RHBDD2: variants seen among roughly 807,000 people sequenced by gnomAD.
The protein encoded by RHBDD2 is rhomboid domain-containing protein 2.
In RHBDD2, 13 loss-of-function variants were observed where a neutral mutation model predicts 21.7. That is an observed-to-expected ratio of 0.60 (90% CI 0.39 to 0.95). RHBDD2 has a LOEUF of 0.95. Ranked by LOEUF, RHBDD2 falls within the 40% of genes least tolerant of loss-of-function variation. The probability of loss-of-function intolerance (pLI) is 0.00; values close to 1 mark genes in which losing one functional copy is unlikely to be tolerated. For synonymous variants in RHBDD2, 225 were observed against 220.0 expected (o/e 1.02, Z -0.20); for missense variants, 473 against 478.9 (o/e 0.99, Z 0.11).
rs191702367 is a variant in RHBDD2 at position 75,883,410 on chromosome 7, T to A, written c.587-288T>A. 2.0e-3 allele frequency: 412 copies of A among 210,230 alleles called. 15 individuals carry two copies. The South Asian group carries it at 0.037, about 19-fold the overall frequency. The allele number at this position is 210,230 out of a possible 1,614,324, so 13.0% of individuals were successfully genotyped here. On this transcript the variant is annotated intron_variant, in intron 2 of 3. Coordinates refer to ENST00000006777, the MANE Select transcript of RHBDD2 (RefSeq NM_001040456.3). ...GACGGGCACCTGTAGTCCCAGCTACTCTGGAGGCTGAGGCAGGAGAATGGT... is the reference window on the plus strand; with the variant it reads ...GACGGGCACCTGTAGTCCCAGCTACACTGGAGGCTGAGGCAGGAGAATGGT...
At chr7:75,882,744 T>G (rs180890793) in intron 2 of RHBDD2, among the ~76,000 whole-genome samples, 166 of 152,306 alleles carry the variant, frequency 1.1e-3, no homozygotes, top group Non-Finnish European at 1.8e-3. Flanking sequence ...TTAAAAAATG[T>G]TGACTTTTGT....
In RHBDD2 at chr7:75,883,829, A is replaced by G. The variant is rs1554543129; in HGVS notation, c.718A>G (p.Arg240Gly). The G allele has an allele frequency of 6.2e-7, 1 of 1,613,560 alleles. No individual in the cohort carries two copies. The highest frequency in any genetic ancestry group is 2.2e-5 in the East Asian group (1 of 44,866). The change falls in exon 3 of 4, where the codon AGG (arginine) becomes GGG (glycine). Residue 240 changes from arginine to glycine, a missense_variant. Arg to Gly is a moderately radical substitution (Grantham distance 125). Transcript: ENST00000006777. ...KYVSGSSAER[R>G]AAQSRKLNPV... ...CGTCTCAGGGTCTTCAGCCGAGAGG[A>G]GGGCAGCCCAGAGCCGGAAGTAAGT...
Position 75,880,521 on chromosome 7 carries a change from A to G in RHBDD2, c.178+1261A>G, listed in dbSNP as rs143940000. Among the ~76,000 whole-genome samples, 381 of 152,184 alleles carry G rather than the reference A, an allele frequency of 2.5e-3. 1 individual carries two copies. The highest frequency in any genetic ancestry group is 8.8e-3 in the African/African-American group (367 of 41,520). On this transcript the variant is annotated intron_variant, in intron 1 of 3. Coordinates refer to ENST00000006777, the MANE Select transcript of RHBDD2 (RefSeq NM_001040456.3). ...AAGGGACCTTTGAAGTCCTCAATCT[A>G]ACTCTTGTTACTTTACAGTGAGGAA...
In RHBDD2 at chr7:75,883,840, G is replaced by A. The variant is rs1805484595; in HGVS notation, c.729G>A (p.Gln243=). 1 of 1,611,476 alleles carries A rather than the reference G, an allele frequency of 6.2e-7. No individual in the cohort carries two copies. The highest frequency in any genetic ancestry group is 1.7e-5 in the Admixed American group (1 of 59,094). ...SGSSAERRAA[Q]SRKLNPVPGS... is the part of the protein sequence containing the mutation. ...CTTCAGCCGAGAGGAGGGCAGCCCA[G>A]AGCCGGAAGTAAGTGACAGAACTCT... The change falls in exon 3 of 4, where the codon CAG becomes CAA. Residue 243 remains glutamine, a synonymous_variant. Coordinates refer to ENST00000006777, the MANE Select transcript of RHBDD2 (RefSeq NM_001040456.3).
rs190612412 is a variant in RHBDD2 at position 75,884,293 on chromosome 7, C to T, written c.737+445C>T. ...CTGGATTGCAGTGGTATGATCATAGCCCGCTACAGCCTCACACTCGTGGAC... is the reference window on the plus strand; with the variant it reads ...CTGGATTGCAGTGGTATGATCATAGTCCGCTACAGCCTCACACTCGTGGAC... On this transcript the variant is annotated intron_variant, in intron 3 of 3. Coordinates refer to ENST00000006777, the MANE Select transcript of RHBDD2 (RefSeq NM_001040456.3). Among the ~76,000 whole-genome samples, 3 of 152,224 alleles carry T rather than the reference C, an allele frequency of 2.0e-5. No homozygotes were observed. The East Asian group carries it at 5.8e-4, about 29-fold the overall frequency.
Position 75,879,100 on chromosome 7 carries a change from C to T in RHBDD2, c.18C>T (p.Pro6=), listed in dbSNP as rs553107085. The T allele has an allele frequency of 8.8e-6, 12 of 1,367,860 alleles. No individual in the cohort carries two copies. The highest frequency in any genetic ancestry group is 3.3e-5 in the South Asian group (2 of 60,458). The allele number at this position is 1,367,860 out of a possible 1,614,324, so 84.7% of individuals were successfully genotyped here. Residue 6 remains proline, a synonymous_variant, in exon 1 of 4, where the codon CCC becomes CCT. Transcript: ENST00000006777. ...CGGCGGCCATGGCGGCCTCGGGGCCCGGGTGTCGCAGCTGGTGCTTGTGTC... is the reference window on the plus strand; with the variant it reads ...CGGCGGCCATGGCGGCCTCGGGGCCTGGGTGTCGCAGCTGGTGCTTGTGTC... MAASG[P]GCRSWCLCPE...
At chr7:75,885,785 G>A (rs1805624017) in intron 3 of RHBDD2, among the ~76,000 whole-genome samples, 2 of 152,088 alleles carry the variant, frequency 1.3e-5, no homozygotes, top group African/African-American at 4.8e-5. Flanking sequence ...CGGGGAAGAA[G>A]CCAAGCCACT....
chr7:75,880,319 T>C (rs1805246331), intron 1 of RHBDD2: 3 of 152,186 alleles, frequency 2.0e-5, no homozygotes. Context: ...GACTGAGGTA[T>C]ATGGTTCCAT....
At chr7:75,883,925 C>G in intron 3 of RHBDD2, 77 bp downstream of exon 3, 2 of 1,236,954 alleles carry the variant, frequency 1.6e-6, no homozygotes, top group Non-Finnish European at 2.2e-6. Flanking sequence ...GACGGAGTCT[C>G]ACTCTGTCAC....
At chr7:75,880,018 C>T (rs139288433) in intron 1 of RHBDD2, among the ~76,000 whole-genome samples, 7 of 152,282 alleles carry the variant, frequency 4.6e-5, no homozygotes, top group African/African-American at 1.7e-4. Context: ...TTTCGTTTAA[C>T]CCTCACAAGG....
At chr7:75,879,361 G>A in intron 1 of RHBDD2, 101 bp downstream of exon 1, 2 of 1,140,666 alleles carry the variant, frequency 1.8e-6, no homozygotes, top group Non-Finnish European at 2.3e-6. Context: ...AGGCCTCACC[G>A]CCAGTCTCCC....
Position 75,883,732 on chromosome 7 carries a change from A to G in RHBDD2, c.621A>G (p.Ser207=), listed in dbSNP as rs782512546. ...CCTACTGCTATTCCATCGACCTCTC[A>G]GAGCGAGTGGCACTGAAGCTCGATC... The part of the protein sequence containing the change: ...GLTYCYSIDL[S]ERVALKLDQT... Residue 207 remains serine (S), a synonymous_variant, in exon 3 of 4, where the codon TCA becomes TCG. Coordinates refer to ENST00000006777, the MANE Select transcript of RHBDD2 (RefSeq NM_001040456.3). 3 of 1,613,768 alleles carry G rather than the reference A, an allele frequency of 1.9e-6. No individual in the cohort carries two copies. In the East Asian group the frequency reaches 6.7e-5, roughly 36 times the overall value.
rs1805451852 is a variant in RHBDD2, at chr7:75,883,474, C to T, written c.587-224C>T. On this transcript the variant is annotated intron_variant, in intron 2 of 3. Transcript: ENST00000006777. The stretch of plus-strand genomic sequence containing the variant: ...CGGAGCTTGCAGTGAGCCAAGATCA[C>T]ACCACTGCACTCCAGCCTGGGCTGC... 1.3e-5 allele frequency: 5 copies of T among 370,376 alleles called. 1 individual carries two copies. The highest frequency in any genetic ancestry group is 3.7e-5 in the South Asian group (1 of 26,688). The allele number at this position is 370,376 out of a possible 1,614,324, so 22.9% of individuals were successfully genotyped here.
chr7:75,883,294 G>A (rs772583843), intron 2 of RHBDD2, among the ~76,000 whole-genome samples: 3 of 152,120 alleles, frequency 2.0e-5, no homozygotes, highest in Non-Finnish European at 2.9e-5. Flanking sequence ...GCTGAGGCAG[G>A]CAGATCACGA....
rs79751728 is a variant in RHBDD2, at chr7:75,882,702, G to A, written c.586+466G>A. ...TATTTTATGCTAGACACTGAATGCTGTATTAGGGGCTCTAGATTTTGTTGT... is the reference window on the plus strand; with the variant it reads ...TATTTTATGCTAGACACTGAATGCTATATTAGGGGCTCTAGATTTTGTTGT... On this transcript the variant is annotated intron_variant, in intron 2 of 3. Transcript: ENST00000006777. Among the ~76,000 whole-genome samples the A allele has an allele frequency of 2.9e-3, 444 of 152,084 alleles. 1 individual carries two copies. The highest frequency in any genetic ancestry group is 5.2e-3 in the Non-Finnish European group (356 of 67,996).
chr7:75,882,332 T>TTC, intron 2 of RHBDD2, 96 bp downstream of exon 2: 1 of 1,196,698 alleles, frequency 8.4e-7, no homozygotes, highest in Non-Finnish European at 1.1e-6. Context: ...TTGGGCTTAC[T>TTC]TTGTATTTTT....
In RHBDD2 at chr7:75,879,275, GC is replaced by G; in HGVS notation, c.178+17del. 1.4e-6 allele frequency: 2 copies of G among 1,463,752 alleles called. No homozygotes were observed. The highest frequency in any genetic ancestry group is 9.0e-7 in the Non-Finnish European group (1 of 1,106,486). The allele number at this position is 1,463,752 out of a possible 1,614,324, so 90.7% of individuals were successfully genotyped here. ...CAACTGGCAAGGTGAGCAGGGGCGG[GC>G]CGGGATCGCGGGGCGAGTCCTTGTC... On this transcript the variant is annotated intron_variant, in intron 1 of 3. Coordinates refer to ENST00000006777, the MANE Select transcript of RHBDD2 (RefSeq NM_001040456.3).
At chr7:75,887,240 C>G (rs1805733614) in intron 3 of RHBDD2, among the ~76,000 whole-genome samples, 1 of 148,112 alleles carries the variant, frequency 6.8e-6, no homozygotes, top group Non-Finnish European at 1.5e-5. Context: ...TGGGTTTAAG[C>G]AGTCCTCCTA....
chr7:75,881,860 C>T lies in RHBDD2; in HGVS notation c.210C>T (p.Tyr70=), dbSNP rs368034799. The change falls in exon 2 of 4, where the codon TAC becomes TAT. Residue 70 remains tyrosine (Y), a synonymous_variant. Transcript: ENST00000006777. ...GGCTGGTAACCTACATCTTTGTCTA[C>T]GAGAATCCCATCTCCCTGCTCTGCG... ...VYRLVTYIFV[Y]ENPISLLCGA... The T allele has an allele frequency of 1.2e-5, 20 of 1,611,020 alleles. 1 individual carries two copies. Among genetic ancestry groups the T allele is most frequent in the South Asian group, 2.2e-5 (2 of 90,574 alleles).
Sources: allele counts gnomAD v4.1 joint callset (sites outside exome capture counted in the v4.1 genomes callset), GRCh38; gene constraint gnomAD v4.1.1; transcripts MANE v1.5; gene names NCBI Gene and HGNC (gene_info 2026-07-23, HGNC 2026-07-21).